The following RBM34 variants were observed in gnomAD, a reference collection of about 807,000 sequenced individuals.
RBM34 encodes the protein RNA-binding protein 34.
A neutral mutation model predicts 44.6 loss-of-function variants in RBM34; 39 were observed. The observed-to-expected ratio is 0.87, with a 90% CI of 0.68 to 1.14. The LOEUF (loss-of-function observed/expected upper bound fraction) is 1.14, where lower values mean the gene tolerates loss of function less well. Among genes scored for constraint, RBM34 ranks in the 50% most tolerant of loss-of-function variants. The pLI, the probability that RBM34 is intolerant of heterozygous loss-of-function variation, is 0.00. For synonymous variants in RBM34, 194 were observed against 184.0 expected, an observed-to-expected ratio of 1.05 and a Z score of -0.44; for missense variants, 572 against 517.9, an observed-to-expected ratio of 1.10 and a Z score of -1.01.
chr1:235,158,044 A>G (rs1662524590), intron 3 of RBM34, among the ~76,000 whole-genome samples: 1 of 148,076 alleles, frequency 6.8e-6, no homozygotes, highest in Admixed American at 6.7e-5. Context: ...ATGCAATTAC[A>G]TGGGTTTTTT....
At chr1:235,140,412 G>T (rs965089695) in intron 6 of RBM34, among the ~76,000 whole-genome samples, 6 of 152,186 alleles carry the variant, frequency 3.9e-5, no homozygotes, top group African/African-American at 1.4e-4. Flanking sequence ...TGCCGGCCCC[G>T]GGCAGTGAGG....
chr1:235,155,826 T>C (rs1368941686), intron 3 of RBM34, among the ~76,000 whole-genome samples: 4 of 12,400 alleles, frequency 3.2e-4, no homozygotes, highest in African/African-American at 1.1e-3. Flanking sequence ...CATATACATA[T>C]ATATATATAT....
At chr1:235,132,064 G>A in intron 10 of RBM34, 67 bp from the exon 11 acceptor site, 1 of 1,423,812 alleles carries the variant, frequency 7.0e-7, no homozygotes, top group Non-Finnish European at 9.5e-7. Flanking sequence ...TAGTGAAAGT[G>A]TCACTTTAAC....
At chr1:235,133,468 A>G (rs1332494430) in intron 10 of RBM34, among the ~76,000 whole-genome samples, 2 of 152,264 alleles carry the variant, frequency 1.3e-5, no homozygotes, top group East Asian at 3.8e-4. Context: ...ACATGCTTAC[A>G]TAACAGAAAA....
chr1:235,158,523 C>CA (rs1364372229), intron 3 of RBM34, among the ~76,000 whole-genome samples: 7 of 151,196 alleles, frequency 4.6e-5, no homozygotes, highest in African/African-American at 1.7e-4. Context: ...GTGGTACACA[C>CA]AGCACCCAGG....
intron 5 of RBM34, among the ~76,000 whole-genome samples, chr1:235,149,195 T>C (rs1027905042): frequency 2.0e-5 from 3 of 151,758 alleles, no homozygotes; most frequent in African/African-American, 4.8e-5. Context: ...GAGACCATCC[T>C]GGCTAACACG....
Position 235,135,677 on chromosome 1 carries a change from T to C in RBM34, c.983A>G (p.Lys328Arg). The change falls in exon 10 of 11, where the codon AAA (lysine) becomes AGA (arginine). Residue 328 changes from lysine (K) to arginine (R), a missense_variant. Coordinates refer to ENST00000408888, the MANE Select transcript of RBM34 (RefSeq NM_015014.4). ...IVRDKMTGIG[K>R]GFGYVLFENT... is the part of the protein sequence containing the mutation. The stretch of plus-strand genomic sequence containing the variant: ...CTCAAAGAGCACATAGCCAAACCCT[T>C]TGCCGATGCCTGTCATTTTGTCTCT... The C allele has an allele frequency of 1.2e-6, 2 of 1,614,136 alleles. No homozygotes were observed. Among genetic ancestry groups the C allele is most frequent in the Middle Eastern group, 3.3e-4 (2 of 6,062 alleles).
chr1:235,155,840 T>TAC (rs1441514352), intron 3 of RBM34, among the ~76,000 whole-genome samples: 3 of 25,618 alleles, frequency 1.2e-4, no homozygotes, highest in Admixed American at 1.0e-3. Context: ...TATATATATA[T>TAC]ATATATATAT....
intron 5 of RBM34, among the ~76,000 whole-genome samples, chr1:235,151,379 G>T (rs1662151012): frequency 6.6e-6 from 1 of 152,146 alleles, no homozygotes; most frequent in Non-Finnish European, 1.5e-5. Context: ...TCAGCCAAAG[G>T]TCTAATACAG....
chr1:235,137,253 A>C (rs972638261), intron 8 of RBM34, among the ~76,000 whole-genome samples: 2 of 152,330 alleles, frequency 1.3e-5, no homozygotes, highest in East Asian at 3.9e-4. Context: ...TCTCTGACAG[A>C]GTGTGTACTA....
At chr1:235,161,089 TCAGCCA>T (rs1662700076) in intron 1 of RBM34, 22 bp from the exon 2 acceptor site, 1 of 1,609,132 alleles carries the variant, frequency 6.2e-7, no homozygotes, top group African/African-American at 1.3e-5. Flanking sequence ...CGACAGAAAC[TCAGCCA>T]CGCCACGCAC....
intron 9 of RBM34, 112 bp from the exon 10 acceptor site, chr1:235,135,882 T>C (rs1159814692): frequency 8.1e-7 from 1 of 1,230,852 alleles, no homozygotes; most frequent in South Asian, 1.3e-5. Flanking sequence ...TAAGCCATTA[T>C]ATTGCACACT....
At chr1:235,159,945 C>A (rs929156312) in intron 3 of RBM34, among the ~76,000 whole-genome samples, 1 of 151,750 alleles carries the variant, frequency 6.6e-6, no homozygotes, top group Non-Finnish European at 1.5e-5. Context: ...CATAAATTTT[C>A]ATTTTGCTTC....
intron 6 of RBM34, among the ~76,000 whole-genome samples, chr1:235,141,940 T>C (rs1331081861): frequency 6.6e-6 from 1 of 152,170 alleles, no homozygotes; most frequent in Non-Finnish European, 1.5e-5. Context: ...GCTTCATTCT[T>C]GAAGTCAGTG....
chr1:235,138,768 C>G (rs1176295048), intron 6 of RBM34, among the ~76,000 whole-genome samples: 2 of 152,000 alleles, frequency 1.3e-5, no homozygotes, highest in Non-Finnish European at 2.9e-5. Context: ...ATACTTTGGT[C>G]TTGTCTATAC....
At chr1:235,142,283 C>T (rs1661715720) in intron 6 of RBM34, among the ~76,000 whole-genome samples, 1 of 151,896 alleles carries the variant, frequency 6.6e-6, no homozygotes, top group African/African-American at 2.4e-5. Flanking sequence ...AGCAATAGCA[C>T]TTTTTTTATT....
intron 3 of RBM34, among the ~76,000 whole-genome samples, chr1:235,157,891 G>A (rs1282933104): frequency 1.3e-5 from 2 of 152,124 alleles, no homozygotes; most frequent in Non-Finnish European, 2.9e-5. Flanking sequence ...CAGTCAGGAC[G>A]GAGAATAAAA....
intron 9 of RBM34, 130 bp downstream of exon 9, chr1:235,135,904 G>C: frequency 1.7e-6 from 2 of 1,205,660 alleles, no homozygotes; most frequent in Non-Finnish European, 2.4e-6. Flanking sequence ...TTTAGTACAT[G>C]TGCTGCCACG....
intron 3 of RBM34, 114 bp from the exon 4 acceptor site, chr1:235,155,226 T>C (rs1662346949): frequency 2.3e-6 from 2 of 856,182 alleles, no homozygotes; most frequent in South Asian, 3.2e-5. Context: ...GTCTTCTGAA[T>C]TTTCCTAGAT....
Sources: gnomAD v4.1 joint callset for allele counts (sites outside exome capture counted in the v4.1 genomes callset) on GRCh38, gnomAD v4.1.1 for gene constraint, MANE v1.5 for transcripts, NCBI Gene and HGNC (gene_info 2026-07-23, HGNC 2026-07-21) for gene names.